The following RYR3 variants were observed in gnomAD, a reference collection of about 807,000 sequenced individuals.
RYR3 encodes brain ryanodine receptor-calcium release channel.
A neutral mutation model predicts 584.3 loss-of-function variants in RYR3; 207 were observed. The observed-to-expected ratio is 0.35, with a 90% CI of 0.32 to 0.40. The LOEUF (loss-of-function observed/expected upper bound fraction) is 0.40. Among genes scored for constraint, RYR3 ranks in the 10% least tolerant of loss-of-function variants. The pLI, the probability that RYR3 is intolerant of heterozygous loss-of-function variation, is 1.00. For missense variants in RYR3, 5,616 were observed against 6,089.2 expected, an observed-to-expected ratio of 0.92 and a Z score of 2.59; for synonymous variants, 2,416 against 2,248.5, an observed-to-expected ratio of 1.07 and a Z score of -2.11.
rs185365374 is a variant in RYR3 at position 33,735,366 on chromosome 15, C to G, written c.7425-869C>G. Among the ~76,000 whole-genome samples the G allele has an allele frequency of 2.1e-4, 32 of 152,316 alleles. No individual in the cohort carries two copies. The East Asian group carries it at 5.0e-3, about 24-fold the overall frequency. The stretch of plus-strand genomic sequence containing the variant: ...TTGTGAAACAGACGACTTTTGTTCT[C>G]CATCTGCATACATCCTTCTTATTGT... On this transcript the variant is annotated intron_variant, in intron 48 of 103. Coordinates refer to ENST00000634891, the MANE Select transcript of RYR3 (RefSeq NM_001036.6).
At chr15:33,498,891 A>G (rs1567377128) in intron 2 of RYR3, among the ~76,000 whole-genome samples, 1 of 152,058 alleles carries the variant, frequency 6.6e-6, no homozygotes, top group Non-Finnish European at 1.5e-5. Flanking sequence ...TCTTCAGCAT[A>G]TGCACGTTCA....
rs1476462565 is a variant in RYR3 at position 33,755,145 on chromosome 15, A to G, written c.8480A>G (p.Tyr2827Cys). The G allele has an allele frequency of 6.2e-7, 1 of 1,612,104 alleles. No homozygotes were observed. The highest frequency in any genetic ancestry group is 1.3e-5 in the African/African-American group (1 of 74,914). ...AAGTTCTTGAAGAAGATCCTGAAAT[A>G]CGTTGATTCTGCTCAAGAATTTATT... ...AYKFLKKILK[Y>C]VDSAQEFIAH... Residue 2827 changes from tyrosine (Y) to cysteine (C), a missense_variant, in exon 58 of 104, where the codon TAC becomes TGC. By Grantham distance (194) the Tyr-to-Cys change is radical. Around this residue, in one of 9 missense-constraint regions of RYR3, gnomAD observed 1,280 missense variants for 1,426.2 expected, o/e 0.90. Transcript: ENST00000634891.
Position 33,455,192 on chromosome 15 carries a change from C to T in RYR3, c.52-18227C>T, listed in dbSNP as rs546363744. 1.9e-3 allele frequency among the ~76,000 whole-genome samples: 284 copies of T among 152,172 alleles called. 1 individual carries two copies. Among genetic ancestry groups the T allele is most frequent in the African/African-American group, 6.5e-3 (272 of 41,528 alleles). Reference sequence around the variant, plus strand: ...GTGGGTGAATGATGACACCTGTCACCGTGCAGGGAGGGCAGAAGAAACACC... The same window carrying T: ...GTGGGTGAATGATGACACCTGTCACTGTGCAGGGAGGGCAGAAGAAACACC... On this transcript the variant is annotated intron_variant, in intron 1 of 103. Transcript: ENST00000634891.
chr15:33,769,189 T>G lies in RYR3; in HGVS notation c.8816+17T>G. On this transcript the variant is annotated intron_variant, in intron 62 of 103. Coordinates refer to ENST00000634891, the MANE Select transcript of RYR3 (RefSeq NM_001036.6). ...TGACACAAGGTAAGTCTGCCCAGTT[T>G]TTCCCAATAGTTTCTCATGACTTCC... 6.3e-7 allele frequency: 1 copy of G among 1,596,886 alleles called. No individual in the cohort carries two copies. Among genetic ancestry groups the G allele is most frequent in the Non-Finnish European group, 8.6e-7 (1 of 1,164,724 alleles).
At chr15:33,418,927 T>A (rs1358185638) in intron 1 of RYR3, among the ~76,000 whole-genome samples, 1 of 152,080 alleles carries the variant, frequency 6.6e-6, no homozygotes, top group South Asian at 2.1e-4. Context: ...AGAGGTAATA[T>A]GAGGATAGAT....
chr15:33,717,779 G>A (rs2067610401), intron 43 of RYR3, among the ~76,000 whole-genome samples: 1 of 152,206 alleles, frequency 6.6e-6, no homozygotes, highest in African/African-American at 2.4e-5. Context: ...TCATTCTGGA[G>A]TTCAAGCTTG....
In RYR3 at chr15:33,662,642, G is replaced by C. The variant is rs1457713145; in HGVS notation, c.5112G>C (p.Gln1704His). The change falls in exon 35 of 104, where the codon CAG (glutamine) becomes CAC (histidine). Residue 1704 changes from glutamine to histidine, a missense_variant. Gln to His is a conservative substitution (Grantham distance 24). Around this residue, in one of 9 missense-constraint regions of RYR3, gnomAD observed 753 missense variants for 741.0 expected, o/e 1.02. Coordinates refer to ENST00000634891, the MANE Select transcript of RYR3 (RefSeq NM_001036.6). ...TGAGTATGCTGACAGAGGCAGTGCAGTGCAGCGGGGCCCACATCCGAGACC... is the reference window on the plus strand; with the variant it reads ...TGAGTATGCTGACAGAGGCAGTGCACTGCAGCGGGGCCCACATCCGAGACC... Reference protein sequence around the residue: ...KALSMLTEAVQCSGAHIRDPV... With the variant: ...KALSMLTEAVHCSGAHIRDPV... 6 of 1,613,950 alleles carry C rather than the reference G, an allele frequency of 3.7e-6. No homozygotes were observed. In the African/African-American group the frequency reaches 8.0e-5, roughly 22 times the overall value.
At chr15:33,490,088 C>G (rs1361625555) in intron 2 of RYR3, among the ~76,000 whole-genome samples, 1 of 152,176 alleles carries the variant, frequency 6.6e-6, no homozygotes, top group Non-Finnish European at 1.5e-5. Flanking sequence ...ACAAAACACC[C>G]TTGGGAATTT....
intron 38 of RYR3, among the ~76,000 whole-genome samples, chr15:33,673,462 T>C (rs959826171): frequency 6.6e-6 from 1 of 152,222 alleles, no homozygotes; most frequent in African/African-American, 2.4e-5. Flanking sequence ...TACAATATTA[T>C]CAAAGGATCA....
intron 1 of RYR3, among the ~76,000 whole-genome samples, chr15:33,360,862 C>A (rs532817226): frequency 6.6e-4 from 101 of 152,316 alleles, no homozygotes; most frequent in African/African-American, 2.3e-3. Context: ...TTTAGTGTGG[C>A]CAGCCCTCTG....
intron 20 of RYR3, 129 bp downstream of exon 20, chr15:33,624,152 T>G (rs2060864558): frequency 1.4e-6 from 1 of 695,304 alleles, no homozygotes; most frequent in Non-Finnish European, 2.5e-6. Context: ...TGTGAACAAC[T>G]GTTACTCCTC....
intron 1 of RYR3, among the ~76,000 whole-genome samples, chr15:33,418,923 AATATGAGGATAG>A (rs1290761537): frequency 6.6e-6 from 1 of 152,164 alleles, no homozygotes; most frequent in African/African-American, 2.4e-5. Flanking sequence ...AAGAAGAGGT[AATATGAGGATAG>A]ATGGCTTTAT....
rs111671600 is a variant in RYR3, at chr15:33,760,805, C to T, written c.8705+3209C>T. 7.9e-3 allele frequency among the ~76,000 whole-genome samples: 1,206 copies of T among 152,354 alleles called. 13 individuals carry two copies. The highest frequency in any genetic ancestry group is 0.014 in the Non-Finnish European group (954 of 68,036). On this transcript the variant is annotated intron_variant, in intron 60 of 103. Transcript: ENST00000634891. ...AAATCAACAGAATATACATTCTTCTCAGCACCACATGCACCTATTCTAAAA... is the reference window on the plus strand; with the variant it reads ...AAATCAACAGAATATACATTCTTCTTAGCACCACATGCACCTATTCTAAAA...
intron 7 of RYR3, among the ~76,000 whole-genome samples, chr15:33,543,284 G>A (rs916123954): frequency 1.3e-5 from 2 of 152,080 alleles, no homozygotes; most frequent in African/African-American, 4.8e-5. Flanking sequence ...GTTATTGGGT[G>A]TACTTACATC....
chr15:33,373,212 C>T (rs2040474425), intron 1 of RYR3, among the ~76,000 whole-genome samples: 1 of 152,186 alleles, frequency 6.6e-6, no homozygotes, highest in Admixed American at 6.5e-5. Context: ...AATCCTAATT[C>T]ATCAACTTCT....
At chr15:33,818,482 CTG>C (rs1325152088) in intron 75 of RYR3, 94 bp from the exon 76 acceptor site, 3 of 838,394 alleles carry the variant, frequency 3.6e-6, no homozygotes, top group African/African-American at 3.3e-5. Flanking sequence ...CTGATGCACT[CTG>C]TGCCTTGCGC....
intron 1 of RYR3, among the ~76,000 whole-genome samples, chr15:33,410,803 A>T (rs907934593): frequency 6.6e-6 from 1 of 152,196 alleles, no homozygotes; most frequent in African/African-American, 2.4e-5. Context: ...AAGATTGGGT[A>T]ATTTATAAAG....
At chr15:33,426,448 A>C (rs4780118) in intron 1 of RYR3, among the ~76,000 whole-genome samples, 41,495 of 152,020 alleles carry the variant, frequency 0.27, 5,948 homozygotes, top group East Asian at 0.4. Context: ...GCACTATTCC[A>C]TATTTTTTAG....
chr15:33,753,350 G>T (rs1485072294), intron 57 of RYR3, among the ~76,000 whole-genome samples: 1 of 152,226 alleles, frequency 6.6e-6, no homozygotes, highest in Non-Finnish European at 1.5e-5. Context: ...TGGAGAGATT[G>T]AATGCATCAT....
Sources: allele counts gnomAD v4.1 joint callset (sites outside exome capture counted in the v4.1 genomes callset), GRCh38; gene constraint gnomAD v4.1.1; regional missense constraint gnomAD v4.1.1; transcripts MANE v1.5; gene names NCBI Gene and HGNC (gene_info 2026-07-23, HGNC 2026-07-21).